The following CTIF variants were observed in gnomAD, a reference collection of about 807,000 sequenced individuals.
The protein encoded by CTIF is CBP80/20-dependent translation initiation factor.
A neutral mutation model predicts 66.0 loss-of-function variants in CTIF; 21 were observed. The observed-to-expected ratio is 0.32, with a 90% CI of 0.23 to 0.46. The LOEUF is 0.46. Ranked by LOEUF, CTIF falls within the 20% of genes least tolerant of loss-of-function variation. CTIF has a pLI of 1.00. For missense variants in CTIF, 739 were observed against 812.7 expected (o/e 0.91, Z 1.10); for synonymous variants, 345 against 326.4 (o/e 1.06, Z -0.62).
chr18:48,612,840 C>A (rs952828140), intron 1 of CTIF, among the ~76,000 whole-genome samples: 2 of 152,154 alleles, frequency 1.3e-5, no homozygotes, highest in South Asian at 2.1e-4. Context: ...GGAGGCTGGA[C>A]CCCTTGCTGC....
Position 48,859,420 on chromosome 18 carries a change from A to G in CTIF, c.1658A>G (p.Lys553Arg). Residue 553 changes from lysine to arginine, a missense_variant, in exon 12 of 12, where the codon AAG becomes AGG. Transcript: ENST00000256413. ...MTELLASARDKMLCPSESMLT... is the reference protein window; with the variant it reads ...MTELLASARDRMLCPSESMLT... ...GAGCTCCTGGCCAGCGCACGGGACAAGATGCTGTGCCCCTCGGAGTCCATG... is the reference window on the plus strand; with the variant it reads ...GAGCTCCTGGCCAGCGCACGGGACAGGATGCTGTGCCCCTCGGAGTCCATG... 6.2e-7 allele frequency: 1 copy of G among 1,614,168 alleles called. No homozygotes were observed.
chr18:48,613,123 C>G, intron 1 of CTIF, among the ~76,000 whole-genome samples: 1 of 152,060 alleles, frequency 6.6e-6, no homozygotes, highest in East Asian at 1.9e-4. Flanking sequence ...AGGTAATGCC[C>G]CTAATGCCTC....
chr18:48,800,446 C>T (rs1157341094), intron 9 of CTIF, among the ~76,000 whole-genome samples: 1 of 152,232 alleles, frequency 6.6e-6, no homozygotes, highest in Non-Finnish European at 1.5e-5. Context: ...CCATCACATT[C>T]CCCACCCTCA....
rs142842578 is a variant in CTIF at position 48,651,637 on chromosome 18, C to T, written c.253-12115C>T. 2.6e-3 allele frequency among the ~76,000 whole-genome samples: 393 copies of T among 152,332 alleles called. 4 individuals are homozygous for T. The highest frequency in any genetic ancestry group is 0.024 in the South Asian group (115 of 4,830). ...AGACCTAATAGACATCTACAGAACT[C>T]GCCACCCCAAGTCAACAGAATATAC... On this transcript the variant is annotated intron_variant, in intron 3 of 11. Transcript: ENST00000256413.
At chr18:48,703,469 C>T (rs1044981508) in intron 6 of CTIF, among the ~76,000 whole-genome samples, 3 of 152,180 alleles carry the variant, frequency 2.0e-5, no homozygotes, top group Admixed American at 2.0e-4. Context: ...TTGTTTTTAA[C>T]AAAGCAGGAG....
At chr18:48,858,688 T>G (rs2069385436) in intron 11 of CTIF, among the ~76,000 whole-genome samples, 1 of 152,192 alleles carries the variant, frequency 6.6e-6, no homozygotes, top group Non-Finnish European at 1.5e-5. Context: ...GAATAGGGGC[T>G]CCTTCCCAGT....
chr18:48,799,148 A>G (rs373980976), intron 9 of CTIF, among the ~76,000 whole-genome samples: 26 of 152,326 alleles, frequency 1.7e-4, no homozygotes, highest in Middle Eastern at 3.4e-3. Context: ...GGATCAAGCC[A>G]GATTTTAAGG....
At chr18:48,785,092 C>CT (rs2146086785) in intron 9 of CTIF, among the ~76,000 whole-genome samples, 1 of 152,346 alleles carries the variant, frequency 6.6e-6, no homozygotes, top group Admixed American at 6.5e-5. Context: ...TTTCTTTTCT[C>CT]TTTTCCTACC....
At chr18:48,653,144 G>A (rs1568106686) in intron 3 of CTIF, among the ~76,000 whole-genome samples, 1 of 152,194 alleles carries the variant, frequency 6.6e-6, no homozygotes, top group Non-Finnish European at 1.5e-5. Context: ...TCAGGCAAGA[G>A]AAAGAAATAA....
At chr18:48,728,995 G>C (rs192212323) in intron 7 of CTIF, among the ~76,000 whole-genome samples, 3 of 152,036 alleles carry the variant, frequency 2.0e-5, no homozygotes, top group Non-Finnish European at 2.9e-5. Flanking sequence ...GAAACTCACC[G>C]GTAGCTTTGA....
At chr18:48,661,517 C>T (rs1384610749) in intron 3 of CTIF, among the ~76,000 whole-genome samples, 1 of 151,986 alleles carries the variant, frequency 6.6e-6, no homozygotes, top group African/African-American at 2.4e-5. Context: ...GGGCTGTCCC[C>T]TTGGGGGTTG....
chr18:48,747,638 G>A (rs929871998), intron 7 of CTIF, among the ~76,000 whole-genome samples: 1 of 151,990 alleles, frequency 6.6e-6, no homozygotes, highest in Non-Finnish European at 1.5e-5. Context: ...CAGGGGCTGC[G>A]GCTCACACTT....
chr18:48,560,349 T>C (rs1183875945), intron 1 of CTIF, among the ~76,000 whole-genome samples: 5 of 150,952 alleles, frequency 3.3e-5, no homozygotes, highest in Non-Finnish European at 7.4e-5. Flanking sequence ...CCTCAGCCTC[T>C]GGAGTAGCTG....
chr18:48,849,624 T>C (rs1341926439), intron 10 of CTIF, among the ~76,000 whole-genome samples: 6 of 139,048 alleles, frequency 4.3e-5, no homozygotes, highest in African/African-American at 5.5e-5. Context: ...TTTCACTCTA[T>C]CGCCAGGCTG....
At chr18:48,696,222 G>GC (rs1369676911) in intron 6 of CTIF, among the ~76,000 whole-genome samples, 1 of 152,222 alleles carries the variant, frequency 6.6e-6, no homozygotes, top group Non-Finnish European at 1.5e-5. Context: ...CCTAGTCTTT[G>GC]CCTAGGCTAT....
chr18:48,796,319 G>A (rs953145057), intron 9 of CTIF, among the ~76,000 whole-genome samples: 13 of 151,972 alleles, frequency 8.6e-5, no homozygotes, highest in African/African-American at 3.1e-4. Flanking sequence ...GACTACAGGC[G>A]ACCGTCACCA....
chr18:48,770,929 T>G (rs1019750109), intron 9 of CTIF, among the ~76,000 whole-genome samples: 16 of 152,126 alleles, frequency 1.1e-4, no homozygotes, highest in Admixed American at 3.3e-4. Flanking sequence ...GAGGCCCTTC[T>G]AACTTTATCC....
intron 6 of CTIF, among the ~76,000 whole-genome samples, chr18:48,695,159 C>T (rs750174915): frequency 2.6e-5 from 4 of 152,256 alleles, no homozygotes; most frequent in Non-Finnish European, 1.5e-5. Flanking sequence ...TGCTCTGGCA[C>T]AACCCAGTTA....
In CTIF at chr18:48,730,474, CTT is replaced by C. The variant is rs1166227427; in HGVS notation, c.584+18780_584+18781del. ...TGAGGGGCTTCCGCGGTGTGAGGGG[CTT>C]CCGCGGTGTGAGGGGCTTCTGCGGT... On this transcript the variant is annotated intron_variant, in intron 7 of 11. Coordinates refer to ENST00000256413, the MANE Select transcript of CTIF (RefSeq NM_014772.3). Among the ~76,000 whole-genome samples, 112 of 140,408 alleles carry C rather than the reference CTT, an allele frequency of 8.0e-4. 16 individuals carry two copies. The highest frequency in any genetic ancestry group is 9.8e-4 in the Admixed American group (14 of 14,270). The allele number at this position is 140,408 out of a possible 152,430, so 92.1% of individuals were successfully genotyped here. A position where few individuals can be genotyped will look rare whatever the true frequency, so the allele number is the denominator to read the frequency against.
Sources: gnomAD v4.1 joint callset for allele counts (sites outside exome capture counted in the v4.1 genomes callset) on GRCh38, gnomAD v4.1.1 for gene constraint, MANE v1.5 for transcripts, NCBI Gene and HGNC (gene_info 2026-07-23, HGNC 2026-07-21) for gene names.